The following NCOA1 variants were observed in gnomAD, a reference collection of about 807,000 sequenced individuals.
NCOA1 encodes the protein Hin-2 protein.
NCOA1 carries 35 observed loss-of-function variants against 150.9 expected under a neutral mutation model. The ratio of observed to expected loss-of-function variants is 0.23; its 90% CI spans 0.18 to 0.31. The LOEUF is 0.31. Ranked by LOEUF, NCOA1 falls within the 10% of genes least tolerant of loss-of-function variation. The pLI is 1.00. For missense variants in NCOA1, 1,491 were observed against 1,749.3 expected (o/e 0.85, Z 2.63); for synonymous variants, 590 against 630.0 (o/e 0.94, Z 0.95).
intron 9 of NCOA1, among the ~76,000 whole-genome samples, chr2:24,692,149 A>G (rs1455587619): frequency 6.6e-6 from 1 of 152,220 alleles, no homozygotes; most frequent in Non-Finnish European, 1.5e-5. Flanking sequence ...TGGTGTCAAC[A>G]TGGAATTAGT....
chr2:24,700,340 T>C (rs748169155), intron 11 of NCOA1, among the ~76,000 whole-genome samples: 23 of 152,050 alleles, frequency 1.5e-4, no homozygotes, highest in Non-Finnish European at 2.8e-4. Flanking sequence ...AACTTTACAG[T>C]GAATGATATT....
chr2:24,543,478 G>C (rs909915997), intron 1 of NCOA1, among the ~76,000 whole-genome samples: 7 of 152,054 alleles, frequency 4.6e-5, no homozygotes, highest in Admixed American at 2.0e-4. Flanking sequence ...AAATCAAATC[G>C]TAGCAGAGAT....
At chr2:24,503,573 C>T (rs888085226) in intron 1 of NCOA1, among the ~76,000 whole-genome samples, 2 of 152,046 alleles carry the variant, frequency 1.3e-5, no homozygotes, top group African/African-American at 4.8e-5. Flanking sequence ...ATAAGGGAGT[C>T]TCATTTGCTA....
At chr2:24,678,363 C>CA in intron 7 of NCOA1, among the ~76,000 whole-genome samples, 1 of 152,214 alleles carries the variant, frequency 6.6e-6, no homozygotes, top group Middle Eastern at 3.4e-3. Context: ...GTGCATGTAT[C>CA]TTTATAACAG....
chr2:24,691,488 A>G lies in NCOA1; in HGVS notation c.540A>G (p.Gly180=), dbSNP rs1364573918. The G allele has an allele frequency of 6.2e-7, 1 of 1,612,886 alleles. No homozygotes were observed. Among genetic ancestry groups the G allele is most frequent in the African/African-American group, 1.3e-5 (1 of 74,954 alleles). The change falls in exon 9 of 23, where the codon GGA becomes GGG. Residue 180 remains glycine (G), a synonymous_variant. Coordinates refer to ENST00000348332, the MANE Select transcript of NCOA1 (RefSeq NM_003743.5). ...TCAATTTTTCTTCCTCAGTAAATGG[A>G]GTTCCTTGGCCTCAAGAGGCAACAC... is the stretch of plus-strand genomic sequence containing the variant. The part of the protein sequence containing the change: ...KNLLPKSLVN[G]VPWPQEATRR...
At chr2:24,571,763 T>C (rs962237321) in intron 2 of NCOA1, among the ~76,000 whole-genome samples, 3 of 152,208 alleles carry the variant, frequency 2.0e-5, no homozygotes, top group African/African-American at 4.8e-5. Context: ...CTGACTTTGC[T>C]CCTTTACAAA....
chr2:24,710,651 C>G (rs1158864776), intron 13 of NCOA1, among the ~76,000 whole-genome samples: 1 of 152,126 alleles, frequency 6.6e-6, no homozygotes. Context: ...TTTTTTTATA[C>G]ATAGATTTTT....
chr2:24,704,319 T>A (rs1673304527), intron 11 of NCOA1, among the ~76,000 whole-genome samples: 1 of 152,086 alleles, frequency 6.6e-6, no homozygotes, highest in Non-Finnish European at 1.5e-5. Flanking sequence ...GTAAATTTTA[T>A]GGTGTGTCAG....
chr2:24,545,645 A>G (rs2148206486), intron 1 of NCOA1, among the ~76,000 whole-genome samples: 1 of 152,334 alleles, frequency 6.6e-6, no homozygotes, highest in African/African-American at 2.4e-5. Context: ...TCAAGGACCA[A>G]GGTATTTACA....
intron 1 of NCOA1, among the ~76,000 whole-genome samples, chr2:24,513,306 GA>G (rs1326851653): frequency 6.6e-6 from 1 of 152,032 alleles, no homozygotes; most frequent in Non-Finnish European, 1.5e-5. Flanking sequence ...ACATTGTTCT[GA>G]ATATATTTGT....
chr2:24,720,738 A>T (rs1674321718), intron 14 of NCOA1, among the ~76,000 whole-genome samples: 1 of 152,226 alleles, frequency 6.6e-6, no homozygotes. Context: ...TGGGAACAAA[A>T]ATATGATAGC....
intron 2 of NCOA1, among the ~76,000 whole-genome samples, chr2:24,580,848 A>AT (rs1667165751): frequency 6.6e-6 from 1 of 152,042 alleles, no homozygotes; most frequent in Non-Finnish European, 1.5e-5. Flanking sequence ...ATGATGAGTG[A>AT]TTTTTATTTG....
intron 16 of NCOA1, 93 bp downstream of exon 16, chr2:24,728,569 G>T: frequency 2.9e-6 from 3 of 1,046,194 alleles, no homozygotes; most frequent in South Asian, 2.2e-5. Flanking sequence ...TACCCACTAT[G>T]CTTTAGCTGT....
intron 1 of NCOA1, among the ~76,000 whole-genome samples, chr2:24,553,259 G>A (rs180778810): frequency 1.5e-4 from 22 of 150,522 alleles, no homozygotes; most frequent in African/African-American, 3.4e-4. Context: ...TCACTCTGTC[G>A]CCCAGGCTGG....
chr2:24,590,665 G>A (rs964129657), intron 3 of NCOA1, among the ~76,000 whole-genome samples: 2 of 152,088 alleles, frequency 1.3e-5, no homozygotes, highest in Admixed American at 6.6e-5. Context: ...TGGACCCATG[G>A]CACTTTGTTT....
At chr2:24,738,951 C>T (rs920361234) in intron 17 of NCOA1, among the ~76,000 whole-genome samples, 4 of 152,124 alleles carry the variant, frequency 2.6e-5, no homozygotes, top group Non-Finnish European at 5.9e-5. Context: ...TATGTATCCA[C>T]CAGACATAGT....
intron 2 of NCOA1, among the ~76,000 whole-genome samples, chr2:24,564,906 A>G (rs1373963838): frequency 6.6e-6 from 1 of 152,152 alleles, no homozygotes; most frequent in Non-Finnish European, 1.5e-5. Context: ...AAGGAACTGA[A>G]TGCAGCACTC....
At position 24,612,769 on chromosome 2, in the gene NCOA1, G is replaced by A. The variant is rs140857036; in HGVS notation, c.-175+28209G>A. 3.1e-3 allele frequency among the ~76,000 whole-genome samples: 467 copies of A among 152,154 alleles called. 3 individuals are homozygous for A. The highest frequency in any genetic ancestry group is 0.012 in the East Asian group (62 of 5,186). On this transcript the variant is annotated intron_variant, in intron 3 of 22. Coordinates refer to ENST00000348332, the MANE Select transcript of NCOA1 (RefSeq NM_003743.5). ...TTGACTTCTTTTTAAAGTATTTACC[G>A]CTTCCTTCATTTCTTAGAATGATTT... is the stretch of plus-strand genomic sequence containing the variant.
At chr2:24,671,347 T>C (rs1671674524) in intron 6 of NCOA1, among the ~76,000 whole-genome samples, 1 of 152,018 alleles carries the variant, frequency 6.6e-6, no homozygotes, top group Admixed American at 6.6e-5. Context: ...CTGAGTATGC[T>C]CAAGTCCCTG....
Sources: allele counts gnomAD v4.1 joint callset (sites outside exome capture counted in the v4.1 genomes callset), GRCh38; gene constraint gnomAD v4.1.1; transcripts MANE v1.5; gene names NCBI Gene and HGNC (gene_info 2026-07-23, HGNC 2026-07-21).